Variants in ABLIM1 observed in about 807,000 individuals in gnomAD.
The protein encoded by ABLIM1 is actin binding LIM protein 1.
A neutral mutation model predicts 107.0 loss-of-function variants in ABLIM1; 40 were observed. The observed-to-expected ratio is 0.37, with a 90% CI of 0.29 to 0.49. The LOEUF (loss-of-function observed/expected upper bound fraction) is 0.49. ABLIM1 is among the 20% of genes least tolerant of loss of function. The pLI is 0.97. For missense variants in ABLIM1, 857 were observed against 1,008.5 expected (o/e 0.85, Z 2.04); for synonymous variants, 357 against 357.3 (o/e 1.00, Z 0.01).
chr10:114,798,836 G>A, the ABLIM1 span, among the ~76,000 whole-genome samples: 4 of 151,436 alleles, frequency 2.6e-5, no homozygotes, highest in East Asian at 1.9e-4. Flanking sequence ...TCGCTCTGTC[G>A]CCAGGCTGGA....
intron 7 of ABLIM1, among the ~76,000 whole-genome samples, chr10:114,491,006 G>GTATATATA (rs759409911): frequency 7.4e-4 from 44 of 59,230 alleles, no homozygotes; most frequent in African/African-American, 3.9e-3. Flanking sequence ...GTGTGTGTGT[G>GTATATATA]TGTGTGTATA....
chr10:114,545,411 C>T (rs1042912391), intron 5 of ABLIM1, among the ~76,000 whole-genome samples: 3 of 152,244 alleles, frequency 2.0e-5, no homozygotes, highest in African/African-American at 7.2e-5. Context: ...TCTCTCTCCA[C>T]AGGCCCCCTG....
chr10:114,581,366 G>A (rs575983504), intron 2 of ABLIM1, among the ~76,000 whole-genome samples: 13 of 152,268 alleles, frequency 8.5e-5, no homozygotes, highest in African/African-American at 2.4e-4. Context: ...AACATTTTAT[G>A]TTCCAACAAA....
At chr10:114,439,726 C>T (rs552641384) in intron 20 of ABLIM1, 37 of 348,114 alleles carry the variant, frequency 1.1e-4, no homozygotes, top group Middle Eastern at 8.5e-4. Flanking sequence ...TTTGAGAACG[C>T]GCAGGAAAAG....
intron 15 of ABLIM1, among the ~76,000 whole-genome samples, chr10:114,447,192 G>A (rs1022423514): frequency 1.3e-5 from 2 of 152,138 alleles, no homozygotes; most frequent in African/African-American, 4.8e-5. Flanking sequence ...GGCCGAGTAG[G>A]TTCACTACTG....
At chr10:114,752,235 A>C (rs150728078) in intron 1 of ABLIM1, among the ~76,000 whole-genome samples, 1 of 152,228 alleles carries the variant, frequency 6.6e-6, no homozygotes, top group Non-Finnish European at 1.5e-5. Flanking sequence ...CCCGGAGGGC[A>C]CTCTGTTGTA....
At chr10:114,767,931 G>A (rs567304001) in intron 1 of ABLIM1, 245 of 326,252 alleles carry the variant, frequency 7.5e-4, no homozygotes, top group African/African-American at 5.4e-3. Context: ...CGGCAGCCCC[G>A]AGCCCGGGGA....
At chr10:114,771,106 C>T (rs1195125481), upstream of ABLIM1, among the ~76,000 whole-genome samples, 1 of 148,310 alleles carries the variant, frequency 6.7e-6, no homozygotes, top group Admixed American at 6.8e-5. Flanking sequence ...GCTGGGATTA[C>T]AGGCATGAGC....
intron 6 of ABLIM1, among the ~76,000 whole-genome samples, chr10:114,544,779 T>A (rs2067107695): frequency 6.6e-6 from 1 of 152,178 alleles, no homozygotes; most frequent in Admixed American, 6.5e-5. Flanking sequence ...AGAACCTTTA[T>A]CATTCTTTTT....
chr10:114,582,031 G>A (rs1189391751), intron 2 of ABLIM1, among the ~76,000 whole-genome samples: 1 of 152,044 alleles, frequency 6.6e-6, no homozygotes, highest in Non-Finnish European at 1.5e-5. Context: ...TTAGGCAAGA[G>A]AAAGAAAGAA....
chr10:114,593,347 T>C (rs1273453022), intron 2 of ABLIM1, among the ~76,000 whole-genome samples: 1 of 152,160 alleles, frequency 6.6e-6, no homozygotes, highest in African/African-American at 2.4e-5. Context: ...TGCTCCAATA[T>C]AATGGATACT....
chr10:114,595,600 A>G (rs1460387317), intron 2 of ABLIM1, among the ~76,000 whole-genome samples: 2 of 152,194 alleles, frequency 1.3e-5, no homozygotes, highest in Non-Finnish European at 2.9e-5. Flanking sequence ...GAATAGCTCC[A>G]CTCAGAACCC....
chr10:114,681,913 C>T (rs1010122907), intron 1 of ABLIM1, among the ~76,000 whole-genome samples: 1 of 152,242 alleles, frequency 6.6e-6, no homozygotes. Flanking sequence ...TGGCAGCGCT[C>T]ATTTGCAGTG....
intron 1 of ABLIM1, among the ~76,000 whole-genome samples, chr10:114,654,514 T>G (rs2079403901): frequency 6.6e-6 from 1 of 152,160 alleles, no homozygotes; most frequent in South Asian, 2.1e-4. Context: ...GTCTTGCAAG[T>G]TTGCCCAGGC....
chr10:114,455,227 T>G (rs1342526169), intron 12 of ABLIM1, among the ~76,000 whole-genome samples: 1 of 152,252 alleles, frequency 6.6e-6, no homozygotes, highest in East Asian at 1.9e-4. Flanking sequence ...TGTCTATTAC[T>G]GAGTCAAATT....
chr10:114,468,941 A>C (rs1177846686), intron 10 of ABLIM1, among the ~76,000 whole-genome samples: 1 of 151,316 alleles, frequency 6.6e-6, no homozygotes, highest in East Asian at 2.0e-4. Flanking sequence ...AGTCCCAGCT[A>C]CTTGGGAGGC....
At chr10:114,561,635 C>T (rs966480443) in intron 4 of ABLIM1, among the ~76,000 whole-genome samples, 8 of 152,140 alleles carry the variant, frequency 5.3e-5, no homozygotes, top group African/African-American at 1.9e-4. Context: ...CAAAGCAGTG[C>T]TTTTAAACAG....
At chr10:114,531,434 G>A (rs1026104550) in intron 6 of ABLIM1, among the ~76,000 whole-genome samples, 2 of 152,184 alleles carry the variant, frequency 1.3e-5, no homozygotes, top group Admixed American at 1.3e-4. Flanking sequence ...AGATGAGAAG[G>A]GTCAAGACCT....
At chr10:114,536,071 A>G (rs1591000130) in intron 6 of ABLIM1, among the ~76,000 whole-genome samples, 1 of 150,840 alleles carries the variant, frequency 6.6e-6, no homozygotes, top group Non-Finnish European at 1.5e-5. Context: ...GAAACCCCAT[A>G]CCCATTAGCA....
Sources: allele counts gnomAD v4.1 joint callset (sites outside exome capture counted in the v4.1 genomes callset), GRCh38; gene constraint gnomAD v4.1.1; transcripts MANE v1.5; gene names NCBI Gene and HGNC (gene_info 2026-07-23, HGNC 2026-07-21).